The following CHODL variants were observed in gnomAD, a reference collection of about 807,000 sequenced individuals.
The protein encoded by CHODL is chondrolectin.
A neutral mutation model predicts 34.5 loss-of-function variants in CHODL; 29 were observed. The ratio of observed to expected loss-of-function variants is 0.84; its 90% CI spans 0.63 to 1.15. The LOEUF is 1.15. CHODL is among the 50% of genes most tolerant of loss of function. CHODL has a pLI of 0.00. For missense variants in CHODL, 332 were observed against 332.5 expected, an observed-to-expected ratio of 1.00 and a Z score of 0.01; for synonymous variants, 125 against 116.1, an observed-to-expected ratio of 1.08 and a Z score of -0.49.
At chr21:18,128,899 G>A (rs896686014) in intron 2 of CHODL, among the ~76,000 whole-genome samples, 8 of 152,070 alleles carry the variant, frequency 5.3e-5, no homozygotes, top group Non-Finnish European at 1.2e-4. Context: ...GTATGAAACT[G>A]TATATAGTTC....
chr21:18,121,374 C>T (rs73198579), intron 2 of CHODL, among the ~76,000 whole-genome samples: 12,115 of 152,142 alleles, frequency 0.08, 582 homozygotes, highest in African/African-American at 0.13. Flanking sequence ...CATTCTGGGC[C>T]GCAGGTTGGA....
At chr21:18,180,020 GATA>G (rs2073363327) in intron 2 of CHODL, among the ~76,000 whole-genome samples, 1 of 152,140 alleles carries the variant, frequency 6.6e-6, no homozygotes, top group South Asian at 2.1e-4. Flanking sequence ...TCTATAAGAA[GATA>G]ATAATAGTAC....
intron 2 of CHODL, among the ~76,000 whole-genome samples, chr21:18,235,294 C>T (rs2074019019): frequency 6.6e-6 from 1 of 151,686 alleles, no homozygotes; most frequent in African/African-American, 2.4e-5. Context: ...TTAATAGGAC[C>T]TTCTGATGGT....
At chr21:18,188,612 G>C (rs1158287906) in intron 2 of CHODL, among the ~76,000 whole-genome samples, 1 of 152,222 alleles carries the variant, frequency 6.6e-6, no homozygotes, top group Non-Finnish European at 1.5e-5. Context: ...TTCCTGAATA[G>C]TGTTTTCAAA....
At chr21:17,977,917 TC>T (rs2063678419) in intron 1 of CHODL, among the ~76,000 whole-genome samples, 1 of 17,032 alleles carries the variant, frequency 5.9e-5, no homozygotes. Context: ...CACTCCCATC[TC>T]AAAAAAAAAA....
In CHODL at chr21:18,248,584, TTA is replaced by T. The variant is rs534470680; in HGVS notation, c.79+3295_79+3296del. Among the ~76,000 whole-genome samples, 919 of 137,774 alleles carry T rather than the reference TTA, an allele frequency of 6.7e-3. 13 individuals are homozygous for T. The highest frequency in any genetic ancestry group is 0.023 in the African/African-American group (850 of 36,872). The allele number at this position is 137,774 out of a possible 152,430, so 90.4% of individuals were successfully genotyped here. On this transcript the variant is annotated intron_variant, in intron 1 of 5. Transcript: ENST00000299295. The stretch of plus-strand genomic sequence containing the variant: ...TTACCTTTATAAAAGGTAATGTATT[TTA>T]TATATATATATAAAATATATGTATA...
chr21:18,165,046 G>A (rs2073136553), intron 2 of CHODL, among the ~76,000 whole-genome samples: 2 of 152,096 alleles, frequency 1.3e-5, no homozygotes, highest in African/African-American at 4.8e-5. Flanking sequence ...ATTTTGGAAC[G>A]GATAGTTCTT....
chr21:18,238,600 A>C (rs2074051984), intron 2 of CHODL, among the ~76,000 whole-genome samples: 2 of 152,012 alleles, frequency 1.3e-5, no homozygotes, highest in South Asian at 4.1e-4. Context: ...GGTTATGTGA[A>C]AGTTCAGGGA....
intron 2 of CHODL, among the ~76,000 whole-genome samples, chr21:18,171,686 A>G (rs545639302): frequency 6.0e-5 from 9 of 150,382 alleles, no homozygotes; most frequent in Non-Finnish European, 1.2e-4. Flanking sequence ...GACATATTAG[A>G]TAATATGGCA....
At chr21:17,997,703 GA>G (rs980115445) in intron 1 of CHODL, among the ~76,000 whole-genome samples, 1 of 152,136 alleles carries the variant, frequency 6.6e-6, no homozygotes, top group African/African-American at 2.4e-5. Flanking sequence ...AGTGAAAACG[GA>G]AACCCCTGAT....
chr21:18,208,523 T>C (rs981007360), intron 2 of CHODL, among the ~76,000 whole-genome samples: 1 of 152,168 alleles, frequency 6.6e-6, no homozygotes, highest in Non-Finnish European at 1.5e-5. Context: ...CATGTTTTCA[T>C]GGATGATCTT....
At chr21:18,265,196 C>T (rs868692820) in intron 5 of CHODL, among the ~76,000 whole-genome samples, 5,712 of 140,496 alleles carry the variant, frequency 0.041, 361 homozygotes, top group African/African-American at 0.16. Context: ...TATATATACA[C>T]ACACACACAC....
chr21:18,236,559 C>A (rs190083011), intron 2 of CHODL, among the ~76,000 whole-genome samples: 1 of 152,156 alleles, frequency 6.6e-6, no homozygotes, highest in East Asian at 1.9e-4. Context: ...GAAGTACGGT[C>A]ATATGGCCAC....
Position 18,193,706 on chromosome 21 carries a change from A to AT in CHODL, c.-44-62803_-44-62802insT, listed in dbSNP as rs1555881277. 1.1e-3 allele frequency among the ~76,000 whole-genome samples: 158 copies of AT among 141,062 alleles called. 1 individual carries two copies. Among genetic ancestry groups the AT allele is most frequent in the African/African-American group, 4.0e-3 (144 of 36,130 alleles). The allele number at this position is 141,062 out of a possible 152,430, so 92.5% of individuals were successfully genotyped here. ...GCAAGACTCTGTCTCAGAAAAAAAA[A>AT]AAAATAAAATAAATAAATAAATAAA... On this transcript the variant is annotated intron_variant, in intron 2 of 6. Coordinates refer to the CHODL transcript ENST00000400127.
At chr21:17,951,965 G>A (rs2063460850) in intron 1 of CHODL, among the ~76,000 whole-genome samples, 1 of 151,996 alleles carries the variant, frequency 6.6e-6, no homozygotes, top group Admixed American at 6.6e-5. Context: ...CAGGTACAGT[G>A]GCTTGTGCAT....
intron 1 of CHODL, among the ~76,000 whole-genome samples, chr21:17,930,617 C>G (rs1311646453): frequency 6.6e-6 from 1 of 152,208 alleles, no homozygotes; most frequent in East Asian, 1.9e-4. Flanking sequence ...TTTGCTGGTC[C>G]GGTCCTGGTT....
At chr21:18,039,717 C>T (rs540086511) in intron 2 of CHODL, among the ~76,000 whole-genome samples, 1 of 151,754 alleles carries the variant, frequency 6.6e-6, no homozygotes, top group Non-Finnish European at 1.5e-5. Flanking sequence ...ATTGGAAAAA[C>T]CTAACCCCTA....
At position 18,256,700 on chromosome 21, in the gene CHODL, G is replaced by A. The variant is rs146669901; in HGVS notation, c.271G>A (p.Gly91Arg). ...ESMLQNLTKP[G>R]TGISDGDFWI... ...CATGTTGCAAAACCTGACAAAACCC[G>A]GGACAGGGATTTCTGATGGTGATTT... is the stretch of plus-strand genomic sequence containing the variant. The change falls in exon 2 of 6, where the codon GGG becomes AGG. Residue 91 changes from glycine to arginine, a missense_variant. By Grantham distance (125) the Gly-to-Arg change is moderately radical (BLOSUM62 -2). Coordinates refer to ENST00000299295, the MANE Select transcript of CHODL (RefSeq NM_024944.3). The A allele has an allele frequency of 1.2e-5, 19 of 1,613,988 alleles. No homozygotes were observed. In the East Asian group the frequency reaches 1.3e-4, roughly 11 times the overall value.
At position 18,028,302 on chromosome 21, in the gene CHODL, C is replaced by G. The variant is rs184526805; in HGVS notation, c.-45+331C>G. ...CCCTTCCTTCCTTCCTTCCTTCCTT[C>G]CTTCCTTCCTTCCTTCCTTCCTTCC... On this transcript the variant is annotated intron_variant, in intron 2 of 6. Coordinates refer to the CHODL transcript ENST00000400127. Among the ~76,000 whole-genome samples the G allele has an allele frequency of 5.1e-5, 7 of 136,656 alleles. 1 individual carries two copies. Among genetic ancestry groups the G allele is most frequent in the African/African-American group, 1.7e-4 (6 of 35,070 alleles). 89.7% of individuals were successfully genotyped at this position (136,656 alleles called of 152,430 possible). A position where few individuals can be genotyped will look rare whatever the true frequency, so the allele number is the denominator to read the frequency against.
Sources: gnomAD v4.1 joint callset for allele counts (sites outside exome capture counted in the v4.1 genomes callset) on GRCh38, gnomAD v4.1.1 for gene constraint, MANE v1.5 for transcripts, NCBI Gene and HGNC (gene_info 2026-07-23, HGNC 2026-07-21) for gene names.